The following BAZ2B variants were observed in gnomAD, a reference collection of about 807,000 sequenced individuals.
BAZ2B encodes the protein bromodomain adjacent to zinc finger domain 2B, also known as bromodomain adjacent to zinc finger domain protein 2B.
Under a neutral mutation model 246.0 loss-of-function variants are expected in BAZ2B, and 91 were observed. The ratio of observed to expected loss-of-function variants is 0.37; its 90% CI spans 0.31 to 0.44. The LOEUF (loss-of-function observed/expected upper bound fraction) is 0.44, where lower values mean the gene tolerates loss of function less well. BAZ2B is among the 20% of genes least tolerant of loss of function. BAZ2B has a pLI of 1.00. For synonymous variants in BAZ2B, 855 were observed against 860.0 expected (o/e 0.99, Z 0.10); for missense variants, 2,332 against 2,533.7 (o/e 0.92, Z 1.71).
At chr2:159,388,792 G>C (rs1252072143) in intron 21 of BAZ2B, among the ~76,000 whole-genome samples, 1 of 152,018 alleles carries the variant, frequency 6.6e-6, no homozygotes, top group Non-Finnish European at 1.5e-5. Flanking sequence ...GGGAGGAGTT[G>C]AGATTTTTCT....
At chr2:159,462,823 C>T (rs2076577336) in intron 3 of BAZ2B, 2 of 1,533,842 alleles carry the variant, frequency 1.3e-6, no homozygotes, top group Non-Finnish European at 9.0e-7. Flanking sequence ...TAGTTTTTAG[C>T]ATAAACAGTA....
intron 27 of BAZ2B, among the ~76,000 whole-genome samples, chr2:159,369,345 C>G (rs2060568891): frequency 6.6e-6 from 1 of 152,080 alleles, no homozygotes; most frequent in South Asian, 2.1e-4. Context: ...ATAAAGACAG[C>G]TTGGGGTCAG....
chr2:159,424,920 G>A (rs920898561), intron 13 of BAZ2B, among the ~76,000 whole-genome samples: 4 of 151,732 alleles, frequency 2.6e-5, no homozygotes, highest in African/African-American at 9.7e-5. Flanking sequence ...TTTTTTTCCT[G>A]AGAATTTTCA....
At position 159,397,276 on chromosome 2, in the gene BAZ2B, C is replaced by A. The variant is rs902818314; in HGVS notation, c.3009+69G>T. The A allele has an allele frequency of 1.1e-5, 15 of 1,333,398 alleles. No individual in the cohort carries two copies. The African/African-American group carries it at 1.6e-4, about 15-fold the overall frequency. 82.6% of individuals were successfully genotyped at this position (1,333,398 alleles called of 1,614,324 possible). On this transcript the variant is annotated intron_variant, in intron 19 of 36. Coordinates refer to ENST00000392783, the MANE Select transcript of BAZ2B (RefSeq NM_013450.4). ...TTAAAGAAAATATTTTGAAGATTTT[C>A]CCCCAAATAGGTTTAAGCAATATTA... is the stretch of plus-strand genomic sequence containing the variant.
chr2:159,415,999 T>C (rs2067644929), intron 13 of BAZ2B, among the ~76,000 whole-genome samples: 1 of 152,196 alleles, frequency 6.6e-6, no homozygotes, highest in East Asian at 1.9e-4. Context: ...AGACTGTGAT[T>C]CAAACCCATG....
chr2:159,378,291 AGTTT>A (rs2061627479), intron 25 of BAZ2B, among the ~76,000 whole-genome samples: 1 of 152,238 alleles, frequency 6.6e-6, no homozygotes, highest in Non-Finnish European at 1.5e-5. Context: ...ATAATTCAGT[AGTTT>A]CAAAAGTATA....
chr2:159,379,949 CA>C (rs144775878), intron 25 of BAZ2B, among the ~76,000 whole-genome samples: 301 of 152,124 alleles, frequency 2.0e-3, no homozygotes, highest in African/African-American at 6.9e-3. Flanking sequence ...AGGTGAACTT[CA>C]ATCTTTTATA....
intron 1 of BAZ2B, among the ~76,000 whole-genome samples, chr2:159,574,991 A>G (rs1346543312): frequency 6.6e-6 from 1 of 152,110 alleles, no homozygotes; most frequent in Admixed American, 6.6e-5. Context: ...AAAAGAAAAG[A>G]AAGAAAAAAG....
intron 22 of BAZ2B, among the ~76,000 whole-genome samples, chr2:159,385,669 C>T (rs1023018528): frequency 1.2e-4 from 18 of 151,982 alleles, no homozygotes; most frequent in East Asian, 1.2e-3. Context: ...ACTATAAAAG[C>T]GACACCAACC....
Position 159,521,902 on chromosome 2 carries a change from GCTTA to G in BAZ2B, c.-3+33917_-3+33920del, listed in dbSNP as rs1335844210. 4.6e-5 allele frequency among the ~76,000 whole-genome samples: 7 copies of G among 151,986 alleles called. No homozygotes were observed. The South Asian group carries it at 6.2e-4, about 13-fold the overall frequency. On this transcript the variant is annotated intron_variant, in intron 2 of 36. Coordinates refer to ENST00000392783, the MANE Select transcript of BAZ2B (RefSeq NM_013450.4). ...TGAAAACTTTAATTGCAAGGCGAGT[GCTTA>G]CTTATTTAATAAGAAATAAGAAAAT...
Position 159,349,037 on chromosome 2 carries a change from C to T in BAZ2B, c.5107G>A (p.Asp1703Asn). ...GGAATAGGTTTTGGACTAGGAAAAT[C>T]TACTGGTTTTGCTACTTCAACAGCT... ...PAAVEVAKPV[D>N]FPSPKPIPEE... The change falls in exon 29 of 37, where the codon GAT becomes AAT. Residue 1703 changes from aspartate to asparagine, a missense_variant. Physicochemically the swap from Asp to Asn is conservative, Grantham distance 23. Coordinates refer to ENST00000392783, the MANE Select transcript of BAZ2B (RefSeq NM_013450.4). 6.2e-7 allele frequency: 1 copy of T among 1,614,114 alleles called. No individual in the cohort carries two copies. Among genetic ancestry groups the T allele is most frequent in the South Asian group, 1.1e-5 (1 of 91,078 alleles).
intron 2 of BAZ2B, among the ~76,000 whole-genome samples, chr2:159,524,694 A>T (rs977709270): frequency 1.3e-5 from 2 of 152,230 alleles, no homozygotes; most frequent in Non-Finnish European, 2.9e-5. Context: ...ATTCTGTAGT[A>T]TTTTAAACTA....
At chr2:159,628,220 A>G in the BAZ2B span, among the ~76,000 whole-genome samples, 1 of 152,226 alleles carries the variant, frequency 6.6e-6, no homozygotes, top group African/African-American at 2.4e-5. Context: ...GGAAGAGTCA[A>G]TATTGTGAAA....
At chr2:159,494,640 T>C (rs2080871804) in intron 2 of BAZ2B, among the ~76,000 whole-genome samples, 1 of 152,206 alleles carries the variant, frequency 6.6e-6, no homozygotes, top group African/African-American at 2.4e-5. Context: ...ATATGGAGTA[T>C]TTAATTTGGC....
the BAZ2B span, among the ~76,000 whole-genome samples, chr2:159,643,138 G>A: frequency 6.6e-6 from 1 of 152,094 alleles, no homozygotes; most frequent in African/African-American, 2.4e-5. Context: ...TTACTTGTTT[G>A]CTTCACTTTC....
At chr2:159,441,581 C>T (rs1018838621) in intron 6 of BAZ2B, among the ~76,000 whole-genome samples, 2 of 152,138 alleles carry the variant, frequency 1.3e-5, no homozygotes, top group Admixed American at 6.6e-5. Context: ...GTCATTTCCA[C>T]AAATAATTAG....
intron 34 of BAZ2B, among the ~76,000 whole-genome samples, chr2:159,326,797 A>T (rs565155250): frequency 6.6e-6 from 1 of 152,342 alleles, no homozygotes; most frequent in South Asian, 2.1e-4. Context: ...CTGATGCAAC[A>T]AGAAGGGTGC....
Position 159,325,138 on chromosome 2 carries a change from T to C in BAZ2B, c.6210-184A>G, listed in dbSNP as rs1313175954. 3.2e-3 allele frequency among the ~76,000 whole-genome samples: 145 copies of C among 44,936 alleles called. 34 individuals are homozygous for C. In the Admixed American group the frequency reaches 0.038, roughly 12 times the overall value. The allele number at this position is 44,936 out of a possible 152,430, so 29.5% of individuals were successfully genotyped here. On this transcript the variant is annotated intron_variant, in intron 35 of 36. Coordinates refer to ENST00000392783, the MANE Select transcript of BAZ2B (RefSeq NM_013450.4). ...TATTTTATATATATATATATATATATATATATATATGAGATAGGGTCTTGC... is the reference window on the plus strand; with the variant it reads ...TATTTTATATATATATATATATATACATATATATATGAGATAGGGTCTTGC...
At chr2:159,547,779 T>C (rs1165933268) in intron 2 of BAZ2B, among the ~76,000 whole-genome samples, 3 of 152,204 alleles carry the variant, frequency 2.0e-5, no homozygotes, top group Non-Finnish European at 4.4e-5. Context: ...TCTGTAAAAG[T>C]TTCTTTTTTT....
Sources: gnomAD v4.1 joint callset for allele counts (sites outside exome capture counted in the v4.1 genomes callset) on GRCh38, gnomAD v4.1.1 for gene constraint, MANE v1.5 for transcripts, NCBI Gene and HGNC (gene_info 2026-07-23, HGNC 2026-07-21) for gene names.